Variants in CEP128 observed in about 807,000 individuals in gnomAD.
CEP128 encodes the protein centrosomal protein 128, also known as centrosomal protein 128kDa.
Under a neutral mutation model 156.7 loss-of-function variants are expected in CEP128, and 132 were observed. The ratio of observed to expected loss-of-function variants is 0.84; its 90% CI spans 0.73 to 0.97. The LOEUF (loss-of-function observed/expected upper bound fraction) is 0.97, where lower values mean the gene tolerates loss of function less well. CEP128 is among the 50% of genes least tolerant of loss of function. CEP128 has a pLI of 0.00. For synonymous variants in CEP128, 469 were observed against 448.9 expected (o/e 1.04, Z -0.57); for missense variants, 1,252 against 1,281.9 (o/e 0.98, Z 0.36).
chr14:80,821,998 G>A (rs1205083325), intron 13 of CEP128, among the ~76,000 whole-genome samples: 1 of 152,180 alleles, frequency 6.6e-6, no homozygotes, highest in Non-Finnish European at 1.5e-5. Flanking sequence ...GATCTCATGA[G>A]ACTTATTCAT....
chr14:80,508,466 T>C (rs1182899450), intron 23 of CEP128, among the ~76,000 whole-genome samples: 2 of 152,206 alleles, frequency 1.3e-5, no homozygotes, highest in Non-Finnish European at 2.9e-5. Flanking sequence ...TTCATGGGAA[T>C]TTTCTCTATC....
chr14:80,950,071 A>T (rs1886429881), intron 2 of CEP128, among the ~76,000 whole-genome samples: 1 of 152,222 alleles, frequency 6.6e-6, no homozygotes, highest in South Asian at 2.1e-4. Flanking sequence ...CCCAAATACA[A>T]TGACTGATGT....
At chr14:80,742,562 C>T (rs1898884870) in intron 19 of CEP128, among the ~76,000 whole-genome samples, 2 of 152,210 alleles carry the variant, frequency 1.3e-5, no homozygotes, top group Admixed American at 1.3e-4. Context: ...ATTCCCCTTA[C>T]TCTACTGTTT....
chr14:80,886,361 T>C (rs1401150557), intron 8 of CEP128, among the ~76,000 whole-genome samples: 1 of 151,634 alleles, frequency 6.6e-6, no homozygotes, highest in Non-Finnish European at 1.5e-5. Context: ...AAGGAAAAAA[T>C]GTTAAGAGCA....
chr14:80,733,060 T>C (rs1259011677), intron 19 of CEP128, among the ~76,000 whole-genome samples: 1 of 152,140 alleles, frequency 6.6e-6, no homozygotes, highest in Admixed American at 6.6e-5. Flanking sequence ...AAAAAGCATA[T>C]TGCCTCCACA....
At position 80,708,777 on chromosome 14, in the gene CEP128, A is replaced by G. The variant is rs147180206; in HGVS notation, c.2806+34298T>C. On this transcript the variant is annotated intron_variant, in intron 19 of 24. Coordinates refer to ENST00000555265, the MANE Select transcript of CEP128 (RefSeq NM_152446.5). ...TGCTTCCTATAGTATTTGAATAATT[A>G]AAGTTTTTACATTAAACTTCTGGCC... Among the ~76,000 whole-genome samples, 298 of 152,324 alleles carry G rather than the reference A, an allele frequency of 2.0e-3. 2 individuals carry two copies. The highest frequency in any genetic ancestry group is 7.0e-3 in the African/African-American group (290 of 41,588).
At chr14:80,778,656 A>T (rs1335776902) in intron 15 of CEP128, among the ~76,000 whole-genome samples, 1 of 152,230 alleles carries the variant, frequency 6.6e-6, no homozygotes, top group Admixed American at 6.5e-5. Flanking sequence ...TTATTTTTTC[A>T]ACATCAGTAG....
Position 80,756,950 on chromosome 14 carries a change from A to G in CEP128, c.2555T>C (p.Val852Ala), listed in dbSNP as rs1289843828. The change falls in exon 18 of 25, where the codon GTT becomes GCT. Residue 852 changes from valine (V) to alanine (A), a missense_variant and splice_region_variant. Coordinates refer to ENST00000555265, the MANE Select transcript of CEP128 (RefSeq NM_152446.5). ...ATGTATATCAGGACCAGATGAAAAA[A>G]CCTACAAAAGAGAAAACAGTCGATT... ...FSKDSVEKLK[V>A]FSSGPDIHYD... 2.5e-6 allele frequency: 4 copies of G among 1,590,572 alleles called. No homozygotes were observed. In the Admixed American group the frequency reaches 6.8e-5, roughly 27 times the overall value.
chr14:80,889,440 A>G (rs1373804809), intron 8 of CEP128, among the ~76,000 whole-genome samples: 1 of 152,212 alleles, frequency 6.6e-6, no homozygotes, highest in Non-Finnish European at 1.5e-5. Context: ...ATACAGACCA[A>G]TGGAACAGAA....
intron 19 of CEP128, among the ~76,000 whole-genome samples, chr14:80,691,527 A>G (rs1392120946): frequency 6.6e-6 from 1 of 152,208 alleles, no homozygotes; most frequent in African/African-American, 2.4e-5. Context: ...TTAGGCAGGG[A>G]GAGAAAGAAA....
At position 80,793,066 on chromosome 14, in the gene CEP128, C is replaced by G; in HGVS notation, c.1254G>C (p.Gln418His). The G allele has an allele frequency of 6.2e-7, 1 of 1,613,660 alleles. No individual in the cohort carries two copies. The highest frequency in any genetic ancestry group is 1.3e-5 in the African/African-American group (1 of 75,060). The change falls in exon 14 of 25, where the codon CAG (glutamine) becomes CAC (histidine). Residue 418 changes from glutamine (Q) to histidine (H), a missense_variant. Gln to His is a conservative substitution (Grantham distance 24). Coordinates refer to ENST00000555265, the MANE Select transcript of CEP128 (RefSeq NM_152446.5). ...GGATCTCCTTAAGTCGATCCAACAT[C>G]TGCAGTTGCTGTTTTTCCCCATTCT... ...ELENGEKQQL[Q>H]MLDRLKEIQN...
intron 24 of CEP128, among the ~76,000 whole-genome samples, chr14:80,501,069 T>C (rs1753631287): frequency 6.6e-6 from 1 of 152,194 alleles, no homozygotes; most frequent in South Asian, 2.1e-4. Flanking sequence ...ATCAGATATC[T>C]ATTAGCTTTT....
chr14:80,701,399 G>A (rs1311819705), intron 19 of CEP128, among the ~76,000 whole-genome samples: 2 of 152,114 alleles, frequency 1.3e-5, no homozygotes, highest in African/African-American at 4.8e-5. Context: ...GGGAAGCGCT[G>A]CCCAAGATGA....
At chr14:80,856,069 G>C (rs1483212482) in intron 9 of CEP128, among the ~76,000 whole-genome samples, 1 of 152,012 alleles carries the variant, frequency 6.6e-6, no homozygotes, top group African/African-American at 2.4e-5. Flanking sequence ...AAAAAGTATC[G>C]ATTACTTTAA....
At chr14:80,661,419 AG>A (rs2140896674) in intron 19 of CEP128, among the ~76,000 whole-genome samples, 1 of 152,312 alleles carries the variant, frequency 6.6e-6, no homozygotes, top group East Asian at 1.9e-4. Flanking sequence ...CAGTGGAAGC[AG>A]GAAGTTGCTC....
At chr14:80,596,134 A>G (rs1892308099) in intron 19 of CEP128, among the ~76,000 whole-genome samples, 1 of 152,038 alleles carries the variant, frequency 6.6e-6, no homozygotes, top group South Asian at 2.1e-4. Context: ...ATCCTAACAC[A>G]TCAGTAATTA....
At chr14:80,536,214 T>C (rs1235321150) in intron 21 of CEP128, among the ~76,000 whole-genome samples, 1 of 152,226 alleles carries the variant, frequency 6.6e-6, no homozygotes, top group Non-Finnish European at 1.5e-5. Flanking sequence ...CTTAGATTCC[T>C]GTCTCCTGTA....
chr14:80,944,957 A>G (rs543092220), upstream of CEP128, among the ~76,000 whole-genome samples: 3 of 151,746 alleles, frequency 2.0e-5, no homozygotes, highest in South Asian at 6.3e-4. Context: ...ACAAACCAGT[A>G]CAAGTATCAT....
At chr14:80,695,100 T>A (rs1255127623) in intron 19 of CEP128, among the ~76,000 whole-genome samples, 1 of 151,460 alleles carries the variant, frequency 6.6e-6, no homozygotes, top group African/African-American at 2.4e-5. Flanking sequence ...GGGAAAAACC[T>A]GGAATAGAAA....
Sources: gnomAD v4.1 joint callset for allele counts (sites outside exome capture counted in the v4.1 genomes callset) on GRCh38, gnomAD v4.1.1 for gene constraint, MANE v1.5 for transcripts, NCBI Gene and HGNC (gene_info 2026-07-23, HGNC 2026-07-21) for gene names.